MDM4: variants seen among roughly 807,000 people sequenced by gnomAD.
The protein encoded by MDM4 is MDM4 regulator of p53, also known as protein Mdm4.
A neutral mutation model predicts 60.2 loss-of-function variants in MDM4; 2 were observed. That is an observed-to-expected ratio of 0.03 (90% CI 0.01 to 0.10). The LOEUF (loss-of-function observed/expected upper bound fraction) is 0.10, where lower values mean the gene tolerates loss of function less well. Ranked by LOEUF, MDM4 falls within the 10% of genes least tolerant of loss-of-function variation. The pLI, the probability that MDM4 is intolerant of heterozygous loss-of-function variation, is 1.00. For missense variants in MDM4, 447 were observed against 577.5 expected (o/e 0.77, Z 2.32); for synonymous variants, 202 against 198.1 (o/e 1.02, Z -0.17).
intron 1 of MDM4, among the ~76,000 whole-genome samples, chr1:204,517,497 G>T (rs1266368705): frequency 6.6e-6 from 1 of 151,374 alleles, no homozygotes; most frequent in African/African-American, 2.4e-5. Flanking sequence ...TCTGCCTCAC[G>T]GGTTCAAGTG....
At position 204,530,927 on chromosome 1, in the gene MDM4, C is replaced by A. The variant is rs186965212; in HGVS notation, c.287+110C>A. 4.5e-3 allele frequency: 6,359 copies of A among 1,409,006 alleles called. 26 individuals are homozygous for A. Among genetic ancestry groups the A allele is most frequent in the Non-Finnish European group, 5.4e-3 (5,530 of 1,017,528 alleles). The allele number at this position is 1,409,006 out of a possible 1,614,324, so 87.3% of individuals were successfully genotyped here. A position where few individuals can be genotyped will look rare whatever the true frequency, so the allele number is the denominator to read the frequency against. On this transcript the variant is annotated intron_variant, in intron 4 of 10. Transcript: ENST00000367182. Reference sequence around the variant, plus strand: ...CACTCAACAAATATGTAAGAGCCTACATATGTTAGGTAGCCTATGAGGCAC... The same window carrying A: ...CACTCAACAAATATGTAAGAGCCTAAATATGTTAGGTAGCCTATGAGGCAC...
chr1:204,540,690 G>C lies in MDM4; in HGVS notation c.512-2094G>C, dbSNP rs182399634. Among the ~76,000 whole-genome samples the C allele has an allele frequency of 8.5e-5, 13 of 152,214 alleles. No homozygotes were observed. The East Asian group carries it at 2.5e-3, about 29-fold the overall frequency. ...AGGCAGGATAATTGCTTGAACCCGG[G>C]AGGCAGAGGTTGCAGTGAGCCGAGA... is the stretch of plus-strand genomic sequence containing the variant. On this transcript the variant is annotated intron_variant, in intron 7 of 10. Transcript: ENST00000367182.
intron 9 of MDM4, among the ~76,000 whole-genome samples, chr1:204,546,237 C>G (rs1662644740): frequency 6.6e-6 from 1 of 152,200 alleles, no homozygotes; most frequent in Non-Finnish European, 1.5e-5. Flanking sequence ...AGCTCTTATT[C>G]TGTCACCCAG....
At chr1:204,530,403 TAA>T (rs1660748437) in intron 3 of MDM4, among the ~76,000 whole-genome samples, 1 of 152,206 alleles carries the variant, frequency 6.6e-6, no homozygotes, top group Non-Finnish European at 1.5e-5. Flanking sequence ...AGAAAATTTT[TAA>T]GAGGATACTA....
At chr1:204,525,312 A>C (rs1011033551) in intron 1 of MDM4, 172 bp from the exon 2 acceptor site, 5 of 984,550 alleles carry the variant, frequency 5.1e-6, no homozygotes, top group Non-Finnish European at 6.0e-6. Context: ...TCAGAACTAG[A>C]AAGTAGTCAG....
At chr1:204,518,595 G>A (rs1414129902) in intron 1 of MDM4, among the ~76,000 whole-genome samples, 2 of 152,178 alleles carry the variant, frequency 1.3e-5, no homozygotes, top group Non-Finnish European at 2.9e-5. Flanking sequence ...TATGGTGTGT[G>A]AATGACCCTC....
intron 1 of MDM4, among the ~76,000 whole-genome samples, chr1:204,522,297 T>G (rs1659641166): frequency 6.6e-6 from 1 of 151,602 alleles, no homozygotes; most frequent in South Asian, 2.1e-4. Flanking sequence ...GCCACTGCAC[T>G]CCAGCCTGAG....
intron 1 of MDM4, among the ~76,000 whole-genome samples, chr1:204,520,004 G>A (rs185973582): frequency 8.5e-5 from 13 of 152,096 alleles, no homozygotes; most frequent in African/African-American, 2.2e-4. Context: ...TAGGCTGGGC[G>A]CGGTGGCTTA....
At chr1:204,521,936 C>G (rs1307392091) in intron 1 of MDM4, among the ~76,000 whole-genome samples, 1 of 152,090 alleles carries the variant, frequency 6.6e-6, no homozygotes, top group Non-Finnish European at 1.5e-5. Context: ...ATAGGGAATA[C>G]AAGCGGTTGG....
chr1:204,521,677 G>A (rs184459539), intron 1 of MDM4, among the ~76,000 whole-genome samples: 6 of 152,180 alleles, frequency 3.9e-5, no homozygotes, highest in Non-Finnish European at 7.4e-5. Flanking sequence ...TAAGTCATAG[G>A]GCCAGTTAGG....
intron 1 of MDM4, among the ~76,000 whole-genome samples, chr1:204,520,634 C>T (rs1659479852): frequency 6.6e-6 from 1 of 151,974 alleles, no homozygotes; most frequent in Non-Finnish European, 1.5e-5. Context: ...CCTGTAATCC[C>T]AACACTTTCG....
Position 204,525,513 on chromosome 1 carries a change from A to T in MDM4, c.-6A>T. 1.2e-6 allele frequency: 2 copies of T among 1,608,506 alleles called. No individual in the cohort carries two copies. The highest frequency in any genetic ancestry group is 1.7e-6 in the Non-Finnish European group (2 of 1,178,478). On this transcript the variant is annotated 5_prime_UTR_variant, in exon 2 of 11. Transcript: ENST00000367182. ...ACCAACAGACTGCAGTTTCTTCACT[A>T]CCAAAATGACATCATTTTCCACCTC... is the stretch of plus-strand genomic sequence containing the variant.
chr1:204,527,615 C>G (rs1660336529), intron 3 of MDM4, among the ~76,000 whole-genome samples: 1 of 150,558 alleles, frequency 6.6e-6, no homozygotes, highest in South Asian at 2.1e-4. Context: ...TGAACTCCAT[C>G]CTGGGCAACA....
intron 7 of MDM4, among the ~76,000 whole-genome samples, chr1:204,541,195 G>C: frequency 6.6e-6 from 1 of 151,930 alleles, no homozygotes; most frequent in East Asian, 1.9e-4. Flanking sequence ...ATGGTAGCTC[G>C]TGCCTGTAAT....
rs187338050 is a variant in MDM4 at position 204,539,693 on chromosome 1, C to T, written c.511+1385C>T. 2.7e-3 allele frequency among the ~76,000 whole-genome samples: 404 copies of T among 151,912 alleles called. 3 individuals carry two copies. The highest frequency in any genetic ancestry group is 8.8e-3 in the African/African-American group (365 of 41,492). On this transcript the variant is annotated intron_variant, in intron 7 of 10. Coordinates refer to ENST00000367182, the MANE Select transcript of MDM4 (RefSeq NM_002393.5). Reference sequence around the variant, plus strand: ...CTGGGATTACAGGCGTGCACCACTACGCCCAGCTAATTTTTGTATTCTTAG... The same window carrying T: ...CTGGGATTACAGGCGTGCACCACTATGCCCAGCTAATTTTTGTATTCTTAG...
chr1:204,537,164 A>G (rs1572495143), intron 5 of MDM4: 2 of 438,500 alleles, frequency 4.6e-6, no homozygotes, highest in Non-Finnish European at 8.1e-6. Context: ...AAAGCTTGAT[A>G]TGGAAGAACA....
intron 3 of MDM4, among the ~76,000 whole-genome samples, chr1:204,527,100 G>T (rs2102328165): frequency 6.7e-6 from 1 of 149,734 alleles, no homozygotes; most frequent in African/African-American, 2.4e-5. Flanking sequence ...TTTGAGACCA[G>T]CCTGGGCAAC....
chr1:204,529,714 C>A, intron 3 of MDM4: 1 of 533,128 alleles, frequency 1.9e-6, no homozygotes, highest in Non-Finnish European at 3.4e-6. Context: ...TGACGTCACA[C>A]ACAGGCAAGG....
chr1:204,529,361 G>A, intron 3 of MDM4: 1 of 875,210 alleles, frequency 1.1e-6, no homozygotes, highest in Admixed American at 1.8e-5. Flanking sequence ...TATTGGGAGG[G>A]GAGCCACCCT....
Sources: allele counts gnomAD v4.1 joint callset (sites outside exome capture counted in the v4.1 genomes callset), GRCh38; gene constraint gnomAD v4.1.1; transcripts MANE v1.5; gene names NCBI Gene and HGNC (gene_info 2026-07-23, HGNC 2026-07-21).